The following TRAPPC3L variants were observed in gnomAD, a reference collection of about 807,000 sequenced individuals.
TRAPPC3L encodes the protein trafficking protein particle complex subunit 3L.
Under a neutral mutation model 23.7 loss-of-function variants are expected in TRAPPC3L, and 23 were observed. That is an observed-to-expected ratio of 0.97 (90% CI 0.70 to 1.37). The LOEUF (loss-of-function observed/expected upper bound fraction) is 1.37, where lower values mean the gene tolerates loss of function less well. TRAPPC3L is among the 40% of genes most tolerant of loss of function. The pLI, the probability that TRAPPC3L is intolerant of heterozygous loss-of-function variation, is 0.00. For missense variants in TRAPPC3L, 212 were observed against 216.8 expected (o/e 0.98, Z 0.14); for synonymous variants, 81 against 77.9 (o/e 1.04, Z -0.21).
At position 116,503,236 on chromosome 6, in the gene TRAPPC3L, T is replaced by C. The variant is rs77246142; in HGVS notation, c.241-2570A>G. Among the ~76,000 whole-genome samples the C allele has an allele frequency of 5.6e-3, 854 of 151,802 alleles. 10 individuals are homozygous for C. Among genetic ancestry groups the C allele is most frequent in the African/African-American group, 0.02 (831 of 41,460 alleles). ...TAGGGGTTGCCATCCTGATCTCTGA[T>C]AAAACAGACTTTAAACCAACAAAGA... On this transcript the variant is annotated intron_variant, in intron 3 of 4. Coordinates refer to ENST00000368602, the MANE Select transcript of TRAPPC3L (RefSeq NM_001139444.3).
intron 3 of TRAPPC3L, chr6:116,515,606 G>C: frequency 6.2e-7 from 1 of 1,607,058 alleles, no homozygotes; most frequent in Non-Finnish European, 8.5e-7. Context: ...TAAGATTCTA[G>C]GATGGTGCCT....
intron 1 of TRAPPC3L, chr6:116,543,743 T>G: frequency 4.7e-6 from 6 of 1,283,548 alleles, no homozygotes; most frequent in Middle Eastern, 1.8e-4. Context: ...TTTTCTAAAA[T>G]ATATGCCATC....
At chr6:116,539,579 C>T (rs754710777) in intron 3 of TRAPPC3L, among the ~76,000 whole-genome samples, 2 of 151,990 alleles carry the variant, frequency 1.3e-5, no homozygotes, top group Non-Finnish European at 2.9e-5. Flanking sequence ...CAGTGAAAGA[C>T]AAAGAGTATG....
chr6:116,525,807 T>C (rs568346001), intron 3 of TRAPPC3L, among the ~76,000 whole-genome samples: 1 of 152,352 alleles, frequency 6.6e-6, no homozygotes, highest in East Asian at 1.9e-4. Context: ...TTCGGCAGTT[T>C]ATAACCTATA....
chr6:116,512,121 G>A (rs1583269410), intron 3 of TRAPPC3L: 1 of 1,613,992 alleles, frequency 6.2e-7, no homozygotes, highest in East Asian at 2.2e-5. Context: ...GAACTGATTT[G>A]CAAGGGTAAG....
At chr6:116,536,237 CT>C (rs919494089) in intron 3 of TRAPPC3L, among the ~76,000 whole-genome samples, 103 of 151,998 alleles carry the variant, frequency 6.8e-4, no homozygotes, top group African/African-American at 2.2e-3. Flanking sequence ...AACTTGGCAT[CT>C]TTTTTTTATA....
chr6:116,543,787 A>G (rs1274336496), intron 1 of TRAPPC3L: 4 of 1,525,880 alleles, frequency 2.6e-6, no homozygotes, highest in Admixed American at 2.0e-5. Flanking sequence ...ATTGGATAAG[A>G]CTTCTCAGGC....
chr6:116,521,056 G>C (rs1466398955), intron 3 of TRAPPC3L: 1 of 151,724 alleles, frequency 6.6e-6, no homozygotes, highest in Admixed American at 6.6e-5. Context: ...CAGTACAACA[G>C]TATATATACA....
chr6:116,523,282 G>A (rs1772378544), intron 3 of TRAPPC3L: 1 of 152,074 alleles, frequency 6.6e-6, no homozygotes, highest in Non-Finnish European at 1.5e-5. Context: ...GATATATTTT[G>A]TCCTTTAGGA....
At chr6:116,536,681 A>T (rs1773114491) in intron 3 of TRAPPC3L, among the ~76,000 whole-genome samples, 1 of 152,136 alleles carries the variant, frequency 6.6e-6, no homozygotes, top group African/African-American at 2.4e-5. Context: ...CATGGTCTCT[A>T]GGTGCTCAGT....
chr6:116,527,725 A>G (rs1423148605), intron 3 of TRAPPC3L, among the ~76,000 whole-genome samples: 1 of 152,226 alleles, frequency 6.6e-6, no homozygotes, highest in African/African-American at 2.4e-5. Flanking sequence ...AACAGCAGAA[A>G]TAAAACCAAT....
At chr6:116,526,348 C>T (rs1279855254) in intron 3 of TRAPPC3L, among the ~76,000 whole-genome samples, 5 of 152,148 alleles carry the variant, frequency 3.3e-5, no homozygotes, top group Admixed American at 6.5e-5. Flanking sequence ...GGTCTGGAGG[C>T]GTGGCAGCCT....
intron 3 of TRAPPC3L, among the ~76,000 whole-genome samples, chr6:116,511,250 C>G (rs1340173425): frequency 6.7e-6 from 1 of 150,074 alleles, no homozygotes; most frequent in Non-Finnish European, 1.5e-5. Flanking sequence ...AAATCCCTGT[C>G]TTCCAAATCT....
chr6:116,509,475 ATAG>A (rs1334800499), intron 3 of TRAPPC3L, among the ~76,000 whole-genome samples: 1 of 152,244 alleles, frequency 6.6e-6, no homozygotes, highest in Admixed American at 6.5e-5. Flanking sequence ...TCAAAACAGC[ATAG>A]CACTGGTACA....
intron 2 of TRAPPC3L, among the ~76,000 whole-genome samples, chr6:116,540,903 G>T (rs1168620262): frequency 6.6e-6 from 1 of 152,114 alleles, no homozygotes; most frequent in Admixed American, 6.6e-5. Context: ...GGGTAGAAGG[G>T]CAGGCATTTC....
chr6:116,520,906 C>A (rs1279668641), intron 3 of TRAPPC3L: 1 of 151,658 alleles, frequency 6.6e-6, no homozygotes, highest in Admixed American at 6.6e-5. Context: ...AGAAGTTTTA[C>A]AGTGAGCATT....
chr6:116,507,643 T>G (rs1275389599), intron 3 of TRAPPC3L, among the ~76,000 whole-genome samples: 1 of 152,192 alleles, frequency 6.6e-6, no homozygotes, highest in Non-Finnish European at 1.5e-5. Context: ...TGGTACTGTC[T>G]GCAGTTTGGG....
At chr6:116,508,236 G>A (rs1772039954) in intron 3 of TRAPPC3L, among the ~76,000 whole-genome samples, 1 of 152,190 alleles carries the variant, frequency 6.6e-6, no homozygotes, top group South Asian at 2.1e-4. Context: ...CACACAGTGG[G>A]AGTTCAATAG....
At chr6:116,543,894 T>C in intron 1 of TRAPPC3L, 1 of 1,510,420 alleles carries the variant, frequency 6.6e-7, no homozygotes, top group Non-Finnish European at 8.9e-7. Context: ...TTCTTTTTAC[T>C]TAGAGAAAAA....
Sources: gnomAD v4.1 joint callset for allele counts (sites outside exome capture counted in the v4.1 genomes callset) on GRCh38, gnomAD v4.1.1 for gene constraint, MANE v1.5 for transcripts, NCBI Gene and HGNC (gene_info 2026-07-23, HGNC 2026-07-21) for gene names.